TUSC3: variants seen among roughly 807,000 people sequenced by gnomAD.
TUSC3 encodes the protein tumor suppressor candidate 3, also known as dolichyl-diphosphooligosaccharide--protein glycosyltransferase subunit TUSC3.
TUSC3 carries 45 observed loss-of-function variants against 44.8 expected under a neutral mutation model. That is an observed-to-expected ratio of 1.00 (90% CI 0.79 to 1.29). The LOEUF is 1.29. Ranked by LOEUF, TUSC3 falls within the 50% of genes most tolerant of loss-of-function variation. The pLI, the probability that TUSC3 is intolerant of heterozygous loss-of-function variation, is 0.00. For missense variants in TUSC3, 519 were observed against 437.9 expected (o/e 1.19, Z -1.65); for synonymous variants, 212 against 152.9 (o/e 1.39, Z -2.85).
rs543426021 is a variant in TUSC3, at chr8:15,688,975, C to G, written c.798+15139C>G. ...TGAGTGCATACAGGAGACCTCTTTGCCCTGCTTGCTGACTTGGGGTTACAG... is the reference window on the plus strand; with the variant it reads ...TGAGTGCATACAGGAGACCTCTTTGGCCTGCTTGCTGACTTGGGGTTACAG... On this transcript the variant is annotated intron_variant, in intron 6 of 10. Coordinates refer to ENST00000503731, the MANE Select transcript of TUSC3 (RefSeq NM_006765.4). 2.1e-5 allele frequency: 5 copies of G among 242,024 alleles called. No homozygotes were observed. The East Asian group carries it at 7.1e-4, about 34-fold the overall frequency. The allele number at this position is 242,024 out of a possible 1,614,324, so 15.0% of individuals were successfully genotyped here. A position where few individuals can be genotyped will look rare whatever the true frequency, so the allele number is the denominator to read the frequency against.
intron 2 of TUSC3, among the ~76,000 whole-genome samples, chr8:15,639,355 C>T (rs1043502360): frequency 7.2e-5 from 11 of 152,086 alleles, no homozygotes; most frequent in African/African-American, 2.7e-4. Context: ...TTTCTGTGTG[C>T]TTAGTGGGAT....
the TUSC3 span, among the ~76,000 whole-genome samples, chr8:15,802,100 C>A: frequency 6.6e-6 from 1 of 152,150 alleles, no homozygotes; most frequent in Non-Finnish European, 1.5e-5. Context: ...TCCGTTCATG[C>A]GCCTGTGAAG....
chr8:15,441,160 A>C lies in TUSC3; in HGVS notation n.91+23855A>C, dbSNP rs561814796. 1.9e-3 allele frequency among the ~76,000 whole-genome samples: 286 copies of C among 152,364 alleles called. 3 individuals carry two copies. The highest frequency in any genetic ancestry group is 6.6e-3 in the African/African-American group (274 of 41,584). On this transcript the variant is annotated intron_variant and non_coding_transcript_variant, in intron 1 of 5. Transcript: ENST00000503191. ...AGTGGCTCACGCCTGTAATCCCAGCACTTTGGGAGGCTGAGACAGGTGGAT... is the reference window on the plus strand; with the variant it reads ...AGTGGCTCACGCCTGTAATCCCAGCCCTTTGGGAGGCTGAGACAGGTGGAT...
intron 1 of TUSC3, among the ~76,000 whole-genome samples, chr8:15,544,196 C>T (rs1801785382): frequency 6.6e-6 from 1 of 152,022 alleles, no homozygotes. Context: ...AGTAGTGTAT[C>T]ATTTGCCTAT....
At chr8:15,617,356 T>G (rs974536583) in intron 1 of TUSC3, among the ~76,000 whole-genome samples, 4 of 151,746 alleles carry the variant, frequency 2.6e-5, no homozygotes, top group African/African-American at 7.3e-5. Flanking sequence ...GCCGGGGTGG[T>G]CTCGAACTCC....
At chr8:15,629,715 A>T (rs745869504) in intron 2 of TUSC3, among the ~76,000 whole-genome samples, 6 of 144,010 alleles carry the variant, frequency 4.2e-5, no homozygotes, top group Non-Finnish European at 4.6e-5. Context: ...CCTTTGTGAG[A>T]CTTGCCTTTT....
At chr8:15,828,738 A>G in the TUSC3 span, among the ~76,000 whole-genome samples, 6 of 152,306 alleles carry the variant, frequency 3.9e-5, no homozygotes, top group Non-Finnish European at 8.8e-5. Flanking sequence ...AGCTGAAATA[A>G]TCCTTTGCCA....
the TUSC3 span, among the ~76,000 whole-genome samples, chr8:15,844,167 CAA>C: frequency 6.6e-6 from 1 of 151,088 alleles, no homozygotes; most frequent in Non-Finnish European, 1.5e-5. Flanking sequence ...GAAGGGATGG[CAA>C]AAAAAATATC....
chr8:15,586,267 C>T (rs1437916378), intron 1 of TUSC3, among the ~76,000 whole-genome samples: 2 of 152,044 alleles, frequency 1.3e-5, no homozygotes, highest in Non-Finnish European at 2.9e-5. Context: ...AAACAAACAG[C>T]TTACCTTTGA....
At chr8:15,649,569 G>C (rs989809142) in intron 2 of TUSC3, among the ~76,000 whole-genome samples, 4 of 147,950 alleles carry the variant, frequency 2.7e-5, no homozygotes, top group African/African-American at 1.0e-4. Context: ...GGGCGACAGA[G>C]CAAGACTCCG....
At chr8:15,616,471 G>C (rs1352827776) in intron 1 of TUSC3, among the ~76,000 whole-genome samples, 1 of 152,194 alleles carries the variant, frequency 6.6e-6, no homozygotes, top group Non-Finnish European at 1.5e-5. Flanking sequence ...AGTCTACTCG[G>C]GAAGCTGAGG....
At chr8:15,582,153 C>G (rs935399973) in intron 1 of TUSC3, among the ~76,000 whole-genome samples, 2 of 152,220 alleles carry the variant, frequency 1.3e-5, no homozygotes, top group African/African-American at 2.4e-5. Context: ...GGCAATGCCT[C>G]GCCCTGCTTC....
upstream of TUSC3, among the ~76,000 whole-genome samples, chr8:15,536,875 C>T (rs993709549): frequency 1.3e-5 from 2 of 151,994 alleles, no homozygotes; most frequent in East Asian, 1.9e-4. Context: ...CATAAATTCT[C>T]ATCAGATGGA....
At chr8:15,762,052 ATAATT>A (rs1363084420) in intron 10 of TUSC3, among the ~76,000 whole-genome samples, 2 of 151,834 alleles carry the variant, frequency 1.3e-5, no homozygotes, top group African/African-American at 4.8e-5. Context: ...TTTAATATTT[ATAATT>A]TAATATTTAT....
chr8:15,803,807 T>C, the TUSC3 span, among the ~76,000 whole-genome samples: 1 of 152,302 alleles, frequency 6.6e-6, no homozygotes, highest in African/African-American at 2.4e-5. Flanking sequence ...GTGTTTGGTT[T>C]TCTGTCCCTG....
chr8:15,812,507 C>T, the TUSC3 span, among the ~76,000 whole-genome samples: 3 of 152,050 alleles, frequency 2.0e-5, no homozygotes, highest in Middle Eastern at 3.2e-3. Flanking sequence ...AAAATATGGC[C>T]GTGGTTGCAA....
At chr8:15,785,505 C>G in the TUSC3 span, among the ~76,000 whole-genome samples, 1 of 150,666 alleles carries the variant, frequency 6.6e-6, no homozygotes, top group African/African-American at 2.4e-5. Flanking sequence ...GAACTACCAT[C>G]CTGACCTTCT....
At chr8:15,520,966 A>G (rs57884012) in intron 2 of TUSC3, among the ~76,000 whole-genome samples, 10,217 of 152,214 alleles carry the variant, frequency 0.067, 392 homozygotes, top group Middle Eastern at 0.14. Flanking sequence ...TTTTACTTGG[A>G]GATTGTTACA....
chr8:15,774,670 A>G, the TUSC3 span, among the ~76,000 whole-genome samples: 1 of 152,184 alleles, frequency 6.6e-6, no homozygotes, highest in Non-Finnish European at 1.5e-5. Context: ...CAATGAGCCA[A>G]GGTCTTGAGT....
Sources: gnomAD v4.1 joint callset for allele counts (sites outside exome capture counted in the v4.1 genomes callset) on GRCh38, gnomAD v4.1.1 for gene constraint, MANE v1.5 for transcripts, NCBI Gene and HGNC (gene_info 2026-07-23, HGNC 2026-07-21) for gene names.